MTCL1: variants seen among roughly 807,000 people sequenced by gnomAD.
The protein encoded by MTCL1 is microtubule crosslinking factor 1.
In MTCL1, 79 loss-of-function variants were observed where a neutral mutation model predicts 141.4. The ratio of observed to expected loss-of-function variants is 0.56; its 90% CI spans 0.47 to 0.67. MTCL1 has a LOEUF of 0.67. Among genes scored for constraint, MTCL1 ranks in the 30% least tolerant of loss-of-function variants. The pLI, the probability that MTCL1 is intolerant of heterozygous loss-of-function variation, is 0.00. For missense variants in MTCL1, 2,177 were observed against 2,113.9 expected, an observed-to-expected ratio of 1.03 and a Z score of -0.59; for synonymous variants, 914 against 875.8, an observed-to-expected ratio of 1.04 and a Z score of -0.77.
chr18:8,709,237 G>A (rs1206712281), intron 1 of MTCL1, among the ~76,000 whole-genome samples: 4 of 151,960 alleles, frequency 2.6e-5, no homozygotes, highest in African/African-American at 4.8e-5. Flanking sequence ...CCGTGGCCCA[G>A]GCTGGAGTGC....
exon 6 of MTCL1, chr18:8,783,832 G>C: frequency 6.2e-7 from 1 of 1,613,222 alleles, no homozygotes; most frequent in Non-Finnish European, 8.5e-7. Flanking sequence ...CAGAGATGGA[G>C]GACATGCGGG....
At chr18:8,734,034 C>T (rs148656655) in intron 4 of MTCL1, among the ~76,000 whole-genome samples, 104 of 152,218 alleles carry the variant, frequency 6.8e-4, no homozygotes, top group Middle Eastern at 6.8e-3. Context: ...ATCTAACCCT[C>T]GTGGAAACAT....
At chr18:8,788,149 C>A (rs60681520) in intron 7 of MTCL1, among the ~76,000 whole-genome samples, 28,829 of 152,122 alleles carry the variant, frequency 0.19, 3,037 homozygotes, top group East Asian at 0.32. Context: ...CAGAGACTCA[C>A]ACAGACCCCG....
At chr18:8,744,683 T>C (rs1050828564) in intron 4 of MTCL1, among the ~76,000 whole-genome samples, 1 of 152,204 alleles carries the variant, frequency 6.6e-6, no homozygotes, top group Non-Finnish European at 1.5e-5. Flanking sequence ...ATTTAAAGCA[T>C]GGTATGGTTT....
chr18:8,734,770 G>A (rs751656776), intron 4 of MTCL1, among the ~76,000 whole-genome samples: 2 of 152,106 alleles, frequency 1.3e-5, no homozygotes, highest in Non-Finnish European at 2.9e-5. Flanking sequence ...GCATCCCTGC[G>A]GAGCTTTTAA....
chr18:8,786,390 G>A lies in MTCL1; in HGVS notation c.1887+299G>A, dbSNP rs138860872. Reference sequence around the variant, plus strand: ...TGGAAGTAGGCTGATTGGTGAGTGCGCAGTGGCTTCTTGTCCAGTCGCAGA... The same window carrying A: ...TGGAAGTAGGCTGATTGGTGAGTGCACAGTGGCTTCTTGTCCAGTCGCAGA... On this transcript the variant is annotated intron_variant, in intron 7 of 16. Coordinates refer to ENST00000359865, the Ensembl canonical transcript of MTCL1. 3,537 of 618,922 alleles carry A rather than the reference G, an allele frequency of 5.7e-3. 43 individuals are homozygous for A. The highest frequency in any genetic ancestry group is 0.024 in the South Asian group (1,558 of 65,874). The allele number at this position is 618,922 out of a possible 1,614,324, so 38.3% of individuals were successfully genotyped here.
chr18:8,706,659 A>G, exon 1 of MTCL1: 4 of 1,546,142 alleles, frequency 2.6e-6, no homozygotes, highest in Non-Finnish European at 2.6e-6. Flanking sequence ...CGGCGGAGGA[A>G]GAAGAGCTGC....
At chr18:8,783,882 C>T (rs1160544393) in exon 6 of MTCL1, 1 of 1,613,210 alleles carries the variant, frequency 6.2e-7, no homozygotes, top group Non-Finnish European at 8.5e-7. Context: ...GACCACGCAC[C>T]CAGCATTCCT....
chr18:8,713,256 A>G (rs916394628), upstream of MTCL1, among the ~76,000 whole-genome samples: 22 of 152,390 alleles, frequency 1.4e-4, no homozygotes, highest in African/African-American at 5.0e-4. Flanking sequence ...AATTAAAACT[A>G]GCTTTTCAAT....
chr18:8,733,687 T>C (rs1454682089), intron 4 of MTCL1, among the ~76,000 whole-genome samples: 1 of 152,146 alleles, frequency 6.6e-6, no homozygotes, highest in African/African-American at 2.4e-5. Context: ...ATTACAGGCG[T>C]GAGCCACTGT....
Position 8,829,586 on chromosome 18 carries a change from G to C in MTCL1, c.*18+622G>C, listed in dbSNP as rs560269518. The C allele has an allele frequency of 3.0e-5, 30 of 985,170 alleles. No homozygotes were observed. In the South Asian group the frequency reaches 1.2e-3, roughly 40 times the overall value. 61.0% of individuals were successfully genotyped at this position (985,170 alleles called of 1,614,324 possible). A position where few individuals can be genotyped will look rare whatever the true frequency, so the allele number is the denominator to read the frequency against. ...ACCTTCCCTCAGAATTGCTTTCAGA[G>C]TCTGAGTCAAAGCACATGAGAAAAG... On this transcript the variant is annotated intron_variant, in intron 16 of 16. Transcript: ENST00000359865.
chr18:8,797,384 AGC>A (rs940255061), intron 9 of MTCL1, among the ~76,000 whole-genome samples: 1 of 152,210 alleles, frequency 6.6e-6, no homozygotes, highest in Non-Finnish European at 1.5e-5. Flanking sequence ...TAGAAACAGA[AGC>A]GAGATCTTTG....
chr18:8,796,343 C>G (rs373089010), exon 9 of MTCL1: 1 of 1,614,100 alleles, frequency 6.2e-7, no homozygotes, highest in African/African-American at 1.3e-5. Flanking sequence ...GAATCTGATG[C>G]AGCAGGAGCT....
chr18:8,786,119 C>CCGCA (rs1555655999), intron 7 of MTCL1, 28 bp downstream of exon 6: 50 of 1,431,246 alleles, frequency 3.5e-5, no homozygotes, highest in Non-Finnish European at 4.3e-5. Flanking sequence ...ATCCCCCCCC[C>CCGCA]CCGCCCTCCC....
intron 3 of MTCL1, 27 bp from the exon 3 acceptor site, chr18:8,720,311 G>C: frequency 6.2e-7 from 1 of 1,612,972 alleles, no homozygotes; most frequent in Non-Finnish European, 8.5e-7. Flanking sequence ...CTCATATCCT[G>C]ATAATGATCT....
chr18:8,766,820 C>G (rs143394733), intron 4 of MTCL1, among the ~76,000 whole-genome samples: 15 of 152,290 alleles, frequency 9.8e-5, no homozygotes, highest in Middle Eastern at 3.4e-3. Context: ...TGCCCTATGC[C>G]CATCCTTAGT....
In MTCL1 at chr18:8,760,104, G is replaced by C. The variant is rs553354804; in HGVS notation, c.358-17729G>C. ...CACATTCCTTGTCATACCTTCTTCT[G>C]GAACATGGGCTCACCTCATGTCCAT... On this transcript the variant is annotated intron_variant, in intron 4 of 16. Transcript: ENST00000359865. Among the ~76,000 whole-genome samples the C allele has an allele frequency of 6.6e-5, 10 of 152,310 alleles. No homozygotes were observed. In the South Asian group the frequency reaches 2.1e-3, roughly 32 times the overall value.
Position 8,831,214 on chromosome 18 carries a change from G to T in MTCL1, c.*19-393G>T, listed in dbSNP as rs906813377. ...AGGACCAGTTCACTTGTCCACTGTAGCTAAATAGATCATACAAAAGGGCCA... is the reference window on the plus strand; with the variant it reads ...AGGACCAGTTCACTTGTCCACTGTATCTAAATAGATCATACAAAAGGGCCA... On this transcript the variant is annotated intron_variant, in intron 16 of 16. Transcript: ENST00000359865. 10 of 1,026,496 alleles carry T rather than the reference G, an allele frequency of 9.7e-6. No homozygotes were observed. In the African/African-American group the frequency reaches 1.7e-4, roughly 18 times the overall value. The allele number at this position is 1,026,496 out of a possible 1,614,324, so 63.6% of individuals were successfully genotyped here.
chr18:8,752,115 A>G (rs556165495), intron 4 of MTCL1, among the ~76,000 whole-genome samples: 2 of 152,370 alleles, frequency 1.3e-5, no homozygotes, highest in South Asian at 4.1e-4. Flanking sequence ...ACTCTAGGAC[A>G]TCCCGATGAC....
Sources: gnomAD v4.1 joint callset for allele counts (sites outside exome capture counted in the v4.1 genomes callset) on GRCh38, gnomAD v4.1.1 for gene constraint, MANE v1.5 for transcripts, NCBI Gene and HGNC (gene_info 2026-07-23, HGNC 2026-07-21) for gene names.